Variants in SOS1 observed in about 807,000 individuals in gnomAD.
The protein encoded by SOS1 is son of sevenless homolog 1.
In SOS1, 25 loss-of-function variants were observed where a neutral mutation model predicts 157.6. The observed-to-expected ratio is 0.16, with a 90% CI of 0.12 to 0.22. SOS1 has a LOEUF of 0.22. Among genes scored for constraint, SOS1 ranks in the 10% least tolerant of loss-of-function variants. SOS1 has a pLI of 1.00. For synonymous variants in SOS1, 528 were observed against 534.0 expected (o/e 0.99, Z 0.16); for missense variants, 1,237 against 1,599.1 (o/e 0.77, Z 3.86).
chr2:39,073,194 G>A lies in SOS1; in HGVS notation c.88-5441C>T, dbSNP rs538471775. Among the ~76,000 whole-genome samples the A allele has an allele frequency of 2.6e-5, 4 of 152,218 alleles. No individual in the cohort carries two copies. In the East Asian group the frequency reaches 7.7e-4, roughly 29 times the overall value. ...AATAGGTTACCCTGTCAAATCTTACGGCAGTCTTCAGAAGCCATGTACAGC... is the reference window on the plus strand; with the variant it reads ...AATAGGTTACCCTGTCAAATCTTACAGCAGTCTTCAGAAGCCATGTACAGC... On this transcript the variant is annotated intron_variant, in intron 1 of 22. Transcript: ENST00000402219.
At chr2:38,995,716 T>C (rs922105125) in intron 19 of SOS1, among the ~76,000 whole-genome samples, 15 of 152,212 alleles carry the variant, frequency 9.9e-5, no homozygotes, top group African/African-American at 3.4e-4. Flanking sequence ...ACAGACTATT[T>C]TGAGCAAATT....
intron 2 of SOS1, among the ~76,000 whole-genome samples, chr2:39,065,151 C>T (rs1029875172): frequency 6.6e-6 from 1 of 151,858 alleles, no homozygotes; most frequent in African/African-American, 2.4e-5. Flanking sequence ...AAATTTAGGG[C>T]CCTTATTATT....
chr2:39,049,940 G>T (rs1345175614), intron 6 of SOS1, among the ~76,000 whole-genome samples: 3 of 152,154 alleles, frequency 2.0e-5, no homozygotes, highest in Non-Finnish European at 4.4e-5. Flanking sequence ...GAACACATTT[G>T]AAACAATTCA....
chr2:39,070,472 G>T (rs1050375100), intron 1 of SOS1, among the ~76,000 whole-genome samples: 1 of 151,836 alleles, frequency 6.6e-6, no homozygotes, highest in African/African-American at 2.4e-5. Flanking sequence ...ACTCTTGTAT[G>T]TTCACTCCCT....
At chr2:39,062,531 G>A (rs1238631150) in intron 2 of SOS1, among the ~76,000 whole-genome samples, 2 of 146,830 alleles carry the variant, frequency 1.4e-5, no homozygotes, top group African/African-American at 2.5e-5. Context: ...AACGGAAAAC[G>A]AAAGCAGACG....
Position 39,120,319 on chromosome 2 carries a change from TC to T in SOS1, c.87+16del. On this transcript the variant is annotated intron_variant, in intron 1 of 22. Transcript: ENST00000402219. ...GGGGGGCTGCGGCCGGGAAGCGGGG[TC>T]CCGCGTGCTCCTCACCTTTTTCAGC... 6.4e-7 allele frequency: 1 copy of T among 1,560,862 alleles called. No homozygotes were observed. The highest frequency in any genetic ancestry group is 8.7e-7 in the Non-Finnish European group (1 of 1,153,374).
At chr2:38,996,004 G>A (rs1389999017) in intron 19 of SOS1, among the ~76,000 whole-genome samples, 1 of 152,078 alleles carries the variant, frequency 6.6e-6, no homozygotes, top group African/African-American at 2.4e-5. Flanking sequence ...TTTGCTGTCA[G>A]GCAATTGCAT....
chr2:39,014,877 A>T, intron 10 of SOS1, 31 bp from the exon 11 acceptor site: 2 of 1,098,006 alleles, frequency 1.8e-6, no homozygotes, highest in Non-Finnish European at 2.8e-6. Flanking sequence ...TATCTTATTA[A>T]ACTCTATGAT....
chr2:39,025,203 G>A (rs142851358), intron 8 of SOS1, among the ~76,000 whole-genome samples: 1 of 152,218 alleles, frequency 6.6e-6, no homozygotes, highest in Non-Finnish European at 1.5e-5. Flanking sequence ...CTACGAGTTT[G>A]AGATACCGTC....
intron 2 of SOS1, among the ~76,000 whole-genome samples, chr2:39,062,895 G>T (rs1323135294): frequency 6.6e-6 from 1 of 151,928 alleles, no homozygotes; most frequent in Non-Finnish European, 1.5e-5. Context: ...ATAGATTGAA[G>T]CAATTTTTAT....
intron 6 of SOS1, among the ~76,000 whole-genome samples, chr2:39,045,267 AGAGAGAGTGTGT>A (rs1387361978): frequency 9.5e-6 from 1 of 105,112 alleles, no homozygotes; most frequent in African/African-American, 3.8e-5. Flanking sequence ...AGAGAGAGAG[AGAGAGAGTGTGT>A]GTGTGTGTGT....
At chr2:39,080,400 T>C (rs1672161225) in intron 1 of SOS1, among the ~76,000 whole-genome samples, 1 of 152,184 alleles carries the variant, frequency 6.6e-6, no homozygotes, top group African/African-American at 2.4e-5. Flanking sequence ...GCTCACCTCC[T>C]GCTGTGCGGC....
At chr2:39,018,260 A>T (rs890685369) in intron 10 of SOS1, among the ~76,000 whole-genome samples, 3 of 147,796 alleles carry the variant, frequency 2.0e-5, no homozygotes, top group Non-Finnish European at 4.6e-5. Context: ...ATTCTTTCTC[A>T]AACATGATCT....
At chr2:39,062,597 T>TAA (rs1417387370) in intron 2 of SOS1, among the ~76,000 whole-genome samples, 1 of 128,796 alleles carries the variant, frequency 7.8e-6, no homozygotes, top group African/African-American at 2.8e-5. Flanking sequence ...ATAAAGAAGT[T>TAA]AAAAAAAAAA....
chr2:39,072,411 A>G lies in SOS1; in HGVS notation c.88-4658T>C, dbSNP rs114062769. ...AAAATTGAAAAGGTGTGATGGTAAG[A>G]CTAGAGAGTCTGTTTGGTTGTTTGG... On this transcript the variant is annotated intron_variant, in intron 1 of 22. Coordinates refer to ENST00000402219, the MANE Select transcript of SOS1 (RefSeq NM_005633.4). 8.4e-3 allele frequency among the ~76,000 whole-genome samples: 1,279 copies of G among 152,316 alleles called. 21 individuals carry two copies. The highest frequency in any genetic ancestry group is 0.029 in the African/African-American group (1,190 of 41,570).
intron 1 of SOS1, among the ~76,000 whole-genome samples, chr2:39,073,015 C>A (rs1422169436): frequency 6.6e-6 from 1 of 152,126 alleles, no homozygotes; most frequent in Non-Finnish European, 1.5e-5. Context: ...CTTTAAAGAG[C>A]AAACAGAAGT....
chr2:39,080,866 G>A (rs1251876198), intron 1 of SOS1, among the ~76,000 whole-genome samples: 2 of 152,018 alleles, frequency 1.3e-5, no homozygotes, highest in East Asian at 3.8e-4. Flanking sequence ...AATTGTGATA[G>A]GCTAGCTAAA....
At chr2:39,084,301 T>A (rs1672300277) in intron 1 of SOS1, among the ~76,000 whole-genome samples, 1 of 152,092 alleles carries the variant, frequency 6.6e-6, no homozygotes, top group Non-Finnish European at 1.5e-5. Flanking sequence ...AAGAAGGTAT[T>A]CTTAAGTGAG....
At chr2:39,103,253 G>T (rs569026400) in intron 1 of SOS1, among the ~76,000 whole-genome samples, 1 of 152,002 alleles carries the variant, frequency 6.6e-6, no homozygotes, top group African/African-American at 2.4e-5. Context: ...GTACAGATTC[G>T]ATGCAATCTC....
Sources: gnomAD v4.1 joint callset for allele counts (sites outside exome capture counted in the v4.1 genomes callset) on GRCh38, gnomAD v4.1.1 for gene constraint, MANE v1.5 for transcripts, NCBI Gene and HGNC (gene_info 2026-07-23, HGNC 2026-07-21) for gene names.